The following CHD2 variants were observed in gnomAD, a reference collection of about 807,000 sequenced individuals.
CHD2 encodes the protein chromodomain helicase DNA binding protein 2.
In CHD2, 28 loss-of-function variants were observed where a neutral mutation model predicts 243.9. That is an observed-to-expected ratio of 0.11 (90% CI 0.09 to 0.16). The LOEUF is 0.16. Among genes scored for constraint, CHD2 ranks in the 10% least tolerant of loss-of-function variants. The probability of loss-of-function intolerance (pLI) is 1.00; values close to 1 mark genes in which losing one functional copy is unlikely to be tolerated. For synonymous variants in CHD2, 775 were observed against 779.0 expected (o/e 0.99, Z 0.09); for missense variants, 1,386 against 2,209.8 (o/e 0.63, Z 7.47).
intron 13 of CHD2, among the ~76,000 whole-genome samples, chr15:92,949,559 T>C (rs2053524039): frequency 6.6e-6 from 1 of 152,174 alleles, no homozygotes; most frequent in Non-Finnish European, 1.5e-5. Flanking sequence ...AGGATTATCC[T>C]GTTCAGAGGA....
intron 16 of CHD2, among the ~76,000 whole-genome samples, chr15:92,963,968 A>G (rs544968314): frequency 6.6e-6 from 1 of 152,332 alleles, no homozygotes; most frequent in African/African-American, 2.4e-5. Flanking sequence ...TTGTGTACCT[A>G]CCTGCTGAAG....
At chr15:92,908,992 G>A (rs186027827) in intron 2 of CHD2, among the ~76,000 whole-genome samples, 1 of 151,974 alleles carries the variant, frequency 6.6e-6, no homozygotes, top group African/African-American at 2.4e-5. Context: ...GATGGTGGGT[G>A]CCTGTAGTCC....
intron 17 of CHD2, among the ~76,000 whole-genome samples, chr15:92,970,312 C>T (rs1404608208): frequency 3.9e-5 from 6 of 152,088 alleles, no homozygotes; most frequent in Admixed American, 6.5e-5. Flanking sequence ...AGTGATTCTC[C>T]TGCCTCAGCC....
chr15:92,993,347 C>G (rs2054145185), intron 28 of CHD2: 1 of 199,242 alleles, frequency 5.0e-6, no homozygotes. Flanking sequence ...AGATCACAAG[C>G]ATTGTTAATT....
chr15:92,957,915 A>T (rs1455837242), intron 16 of CHD2, among the ~76,000 whole-genome samples: 1 of 152,094 alleles, frequency 6.6e-6, no homozygotes, highest in Admixed American at 6.5e-5. Context: ...TGGAATCCTA[A>T]TATGTAGGCT....
chr15:92,971,526 C>G (rs2053841820), intron 17 of CHD2, among the ~76,000 whole-genome samples: 1 of 152,066 alleles, frequency 6.6e-6, no homozygotes, highest in African/African-American at 2.4e-5. Context: ...TCTAGTATTC[C>G]TGTGTTCAGT....
intron 26 of CHD2, among the ~76,000 whole-genome samples, chr15:92,987,186 G>C (rs2054054545): frequency 2.6e-5 from 4 of 151,972 alleles, no homozygotes; most frequent in Admixed American, 2.6e-4. Context: ...GTCTTGATTG[G>C]CCTTTTTATT....
At position 93,004,653 on chromosome 15, in the gene CHD2, A is replaced by C; in HGVS notation, c.4315A>C (p.Lys1439Gln). ...SGDAKSSSKS[K>Q]RSQGPVHITA... is the part of the protein sequence containing the mutation. ...TGATGCCAAATCTTCGAGTAAATCA[A>C]AGCGATCTCAGGGTCCTGTCCATAT... The change falls in exon 34 of 39, where the codon AAG becomes CAG. Residue 1439 changes from lysine (K) to glutamine (Q), a missense_variant. By Grantham distance (53) the Lys-to-Gln change is moderately conservative. Transcript: ENST00000394196. 1 of 1,613,280 alleles carries C rather than the reference A, an allele frequency of 6.2e-7. No individual in the cohort carries two copies. The highest frequency in any genetic ancestry group is 8.5e-7 in the Non-Finnish European group (1 of 1,179,508).
At chr15:92,915,279 GT>G (rs771707377) in intron 2 of CHD2, among the ~76,000 whole-genome samples, 34 of 146,192 alleles carry the variant, frequency 2.3e-4, no homozygotes, top group Non-Finnish European at 2.4e-4. Flanking sequence ...TATAATTAAA[GT>G]TTTTTTTTTT....
chr15:92,962,464 C>G (rs2053703366), intron 16 of CHD2, among the ~76,000 whole-genome samples: 1 of 151,858 alleles, frequency 6.6e-6, no homozygotes, highest in South Asian at 2.1e-4. Context: ...TGTTTAATAT[C>G]CATATATTTA....
At chr15:92,943,174 C>G in intron 9 of CHD2, 106 bp downstream of exon 9, 1 of 846,952 alleles carries the variant, frequency 1.2e-6, no homozygotes, top group Non-Finnish European at 1.8e-6. Flanking sequence ...TCAGATTTTG[C>G]TTTGATCATC....
chr15:92,919,683 G>C (rs867668550), intron 2 of CHD2, among the ~76,000 whole-genome samples: 2 of 152,122 alleles, frequency 1.3e-5, no homozygotes, highest in African/African-American at 4.8e-5. Context: ...GAGCCACCGC[G>C]CCTGGCCTAA....
chr15:92,992,292 G>A (rs2054130144), intron 27 of CHD2, among the ~76,000 whole-genome samples: 1 of 152,198 alleles, frequency 6.6e-6, no homozygotes, highest in Admixed American at 6.5e-5. Flanking sequence ...TGACCACCCA[G>A]GGGTAGACTG....
At chr15:92,967,628 C>A in intron 17 of CHD2, 115 bp downstream of exon 17, 1 of 624,086 alleles carries the variant, frequency 1.6e-6, no homozygotes, top group Non-Finnish European at 2.4e-6. Flanking sequence ...CAGAGTCTCG[C>A]GATTCTGCTG....
At chr15:92,905,129 C>T (rs1397057523) in intron 2 of CHD2, 3 of 805,990 alleles carry the variant, frequency 3.7e-6, no homozygotes, top group African/African-American at 3.5e-5. Flanking sequence ...GCAACCATTA[C>T]TATGTAAGTA....
At chr15:92,980,756 G>A (rs561921537) in intron 22 of CHD2, 59 bp from the exon 23 acceptor site, 1 of 1,187,728 alleles carries the variant, frequency 8.4e-7, no homozygotes, top group East Asian at 2.4e-5. Context: ...TAGTTATTCT[G>A]AAGTAGAACA....
At position 92,965,692 on chromosome 15, in the gene CHD2, A is replaced by G. The variant is rs531878340; in HGVS notation, c.2001-1633A>G. On this transcript the variant is annotated intron_variant, in intron 16 of 38. Transcript: ENST00000394196. ...CTGTTTAGAGGAAAAGCAGCCATAGAGAATTCATAAACAAATAAATGATAC... is the reference window on the plus strand; with the variant it reads ...CTGTTTAGAGGAAAAGCAGCCATAGGGAATTCATAAACAAATAAATGATAC... Among the ~76,000 whole-genome samples, 3 of 152,110 alleles carry G rather than the reference A, an allele frequency of 2.0e-5. No individual in the cohort carries two copies. In the East Asian group the frequency reaches 5.8e-4, roughly 29 times the overall value.
At chr15:92,983,942 T>C (rs747072892) in intron 24 of CHD2, among the ~76,000 whole-genome samples, 7 of 152,336 alleles carry the variant, frequency 4.6e-5, no homozygotes, top group Non-Finnish European at 5.9e-5. Flanking sequence ...ATACAACTTA[T>C]AGAAATGTAA....
rs561420120 is a variant in CHD2 at position 92,978,739 on chromosome 15, G to T, written c.2727+356G>T. On this transcript the variant is annotated intron_variant, in intron 21 of 38. Transcript: ENST00000394196. ...GTTTGTTTTTATTATACATGACAGT[G>T]TTAGCTTTAAAGGTACTTTGGAAAA... Among the ~76,000 whole-genome samples, 13 of 152,292 alleles carry T rather than the reference G, an allele frequency of 8.5e-5. No individual in the cohort carries two copies. The South Asian group carries it at 2.7e-3, about 32-fold the overall frequency.
Sources: gnomAD v4.1 joint callset for allele counts (sites outside exome capture counted in the v4.1 genomes callset) on GRCh38, gnomAD v4.1.1 for gene constraint, MANE v1.5 for transcripts, NCBI Gene and HGNC (gene_info 2026-07-23, HGNC 2026-07-21) for gene names.